The following APOOL variants were observed in gnomAD, a reference collection of about 807,000 sequenced individuals.
APOOL encodes MICOS complex subunit MIC27.
Under a neutral mutation model 23.1 loss-of-function variants are expected in APOOL, and 12 were observed. The ratio of observed to expected loss-of-function variants is 0.52; its 90% CI spans 0.33 to 0.84. APOOL has a LOEUF of 0.84. Ranked by LOEUF, APOOL falls within the 40% of genes least tolerant of loss-of-function variation. The pLI is 0.02. For missense variants in APOOL, 212 were observed against 199.6 expected (o/e 1.06, Z -0.37); for synonymous variants, 77 against 69.9 (o/e 1.10, Z -0.51).
In APOOL at chrX:85,087,703, C is replaced by T. The variant is rs1924365201; in HGVS notation, c.*25C>T. 3.6e-6 allele frequency: 4 copies of T among 1,098,441 alleles called. No homozygotes were observed. The East Asian group carries it at 1.3e-4, about 35-fold the overall frequency. The allele number at this position is 1,098,441 out of a possible 1,213,427, so 90.5% of individuals were successfully genotyped here. Reference sequence around the variant, plus strand: ...AAGTAGACTGCATGCAGAGACTACACAGAAAACTACAAGATGTGTGGCGTT... The same window carrying T: ...AAGTAGACTGCATGCAGAGACTACATAGAAAACTACAAGATGTGTGGCGTT... On this transcript the variant is annotated 3_prime_UTR_variant, in exon 9 of 9. Transcript: ENST00000373173.
intron 6 of APOOL, among the ~76,000 whole-genome samples, chrX:85,072,099 A>G (rs1425897206): frequency 1.8e-5 from 2 of 111,013 alleles, no homozygotes; most frequent in Non-Finnish European, 3.8e-5. Flanking sequence ...ACAGAGAGAG[A>G]CTCCGTCTCA....
intron 8 of APOOL, among the ~76,000 whole-genome samples, chrX:85,079,938 C>G (rs1195826169): frequency 9.0e-6 from 1 of 111,323 alleles, no homozygotes; most frequent in Non-Finnish European, 1.9e-5. Flanking sequence ...GTGGTGATAT[C>G]CCCTTTATCA....
intron 1 of APOOL, among the ~76,000 whole-genome samples, chrX:85,021,115 A>G (rs1017698887): frequency 1.3e-4 from 14 of 111,761 alleles, no homozygotes; most frequent in Non-Finnish European, 2.6e-4. Context: ...AGGCCTGCCC[A>G]GTGTTAGGCC....
rs1023866805 is a variant in APOOL, at chrX:85,031,328, G to A, written c.16-15118G>A. On this transcript the variant is annotated intron_variant, in intron 1 of 8. Coordinates refer to ENST00000373173, the MANE Select transcript of APOOL (RefSeq NM_198450.6). The stretch of plus-strand genomic sequence containing the variant: ...TGTGTACTGCCCTATTTAAACCTGC[G>A]TATCATTTTATTATTTAGTTTTAAG... 1.7e-4 allele frequency among the ~76,000 whole-genome samples: 19 copies of A among 111,128 alleles called. 1 individual carries two copies. Among genetic ancestry groups the A allele is most frequent in the East Asian group, 1.7e-3 (6 of 3,537 alleles).
At chrX:85,025,260 A>G (rs896220127) in intron 1 of APOOL, among the ~76,000 whole-genome samples, 1 of 111,658 alleles carries the variant, frequency 9.0e-6, no homozygotes, top group Non-Finnish European at 1.9e-5. Flanking sequence ...ACACCAAGCC[A>G]TAAGGGATCT....
intron 5 of APOOL, among the ~76,000 whole-genome samples, chrX:85,057,335 C>T (rs751955241): frequency 9.1e-4 from 99 of 109,259 alleles, no homozygotes; most frequent in Non-Finnish European, 1.7e-3. Context: ...AGCTCTGAGC[C>T]GGTCTGGAAT....
chrX:85,061,838 G>A (rs1347153114), intron 5 of APOOL, among the ~76,000 whole-genome samples: 3 of 111,071 alleles, frequency 2.7e-5, no homozygotes, highest in South Asian at 3.8e-4. Context: ...ACCAGCTCCC[G>A]GATTCATTGA....
In APOOL at chrX:85,092,772, C is replaced by A; in HGVS notation, c.*5094C>A. 2.7e-6 allele frequency: 1 copy of A among 375,964 alleles called. No individual in the cohort carries two copies. Among genetic ancestry groups the A allele is most frequent in the Non-Finnish European group, 4.5e-6 (1 of 221,023 alleles). The allele number at this position is 375,964 out of a possible 1,213,427, so 31.0% of individuals were successfully genotyped here. A position where few individuals can be genotyped will look rare whatever the true frequency, so the allele number is the denominator to read the frequency against. On this transcript the variant is annotated 3_prime_UTR_variant, in exon 9 of 9. Coordinates refer to ENST00000373173, the MANE Select transcript of APOOL (RefSeq NM_198450.6). Reference sequence around the variant, plus strand: ...TAAAGCCCTCTTTAAAATCTCAAAACTGATTTGCAAAGCCTTTATCATACA... The same window carrying A: ...TAAAGCCCTCTTTAAAATCTCAAAAATGATTTGCAAAGCCTTTATCATACA...
chrX:85,019,669 T>C (rs1302649139), intron 1 of APOOL, among the ~76,000 whole-genome samples: 3 of 111,574 alleles, frequency 2.7e-5, no homozygotes, highest in Non-Finnish European at 5.7e-5. Flanking sequence ...ACGTACTTGC[T>C]GGGGTAGTAG....
At chrX:85,007,975 G>A (rs1921134459) in intron 1 of APOOL, among the ~76,000 whole-genome samples, 1 of 111,572 alleles carries the variant, frequency 9.0e-6, no homozygotes, top group African/African-American at 3.3e-5. Context: ...AAACTGTAAT[G>A]ATAGGAGGTT....
At chrX:85,073,717 C>G (rs990050081) in intron 6 of APOOL, among the ~76,000 whole-genome samples, 3 of 110,197 alleles carry the variant, frequency 2.7e-5, no homozygotes, top group Non-Finnish European at 1.9e-5. Context: ...ATATGTCAAT[C>G]TAATCTCACT....
intron 5 of APOOL, among the ~76,000 whole-genome samples, chrX:85,059,327 G>A (rs1260870586): frequency 3.1e-4 from 34 of 109,176 alleles, no homozygotes; most frequent in South Asian, 8.1e-4. Flanking sequence ...GAATAGTGCC[G>A]CAATAAACAT....
At chrX:85,078,714 T>A in intron 8 of APOOL, among the ~76,000 whole-genome samples, 1 of 111,793 alleles carries the variant, frequency 8.9e-6, no homozygotes, top group East Asian at 2.8e-4. Context: ...TGATTGTTCC[T>A]ATCCATGATC....
At chrX:85,083,860 T>G (rs1242824397) in intron 8 of APOOL, among the ~76,000 whole-genome samples, 3 of 111,909 alleles carry the variant, frequency 2.7e-5, no homozygotes, top group Non-Finnish European at 5.6e-5. Context: ...CATTGCTGTC[T>G]TATAACTTTA....
At chrX:85,063,831 C>A (rs1372396935) in intron 5 of APOOL, among the ~76,000 whole-genome samples, 1 of 109,817 alleles carries the variant, frequency 9.1e-6, no homozygotes, top group Non-Finnish European at 1.9e-5. Context: ...GTTTTCTTTT[C>A]TTTTCTTTTT....
rs1406513266 is a variant in APOOL, at chrX:85,092,570, A to G, written c.*4892A>G. Reference sequence around the variant, plus strand: ...TGAGTTGTGATGGCTATCTGTTTAAAAACAAACAAGCAAATATTACTTTCA... The same window carrying G: ...TGAGTTGTGATGGCTATCTGTTTAAGAACAAACAAGCAAATATTACTTTCA... On this transcript the variant is annotated 3_prime_UTR_variant, in exon 9 of 9. Transcript: ENST00000373173. The G allele has an allele frequency of 8.4e-7, 1 of 1,195,249 alleles. No individual in the cohort carries two copies. Among genetic ancestry groups the G allele is most frequent in the Non-Finnish European group, 1.1e-6 (1 of 884,515 alleles).
intron 8 of APOOL, among the ~76,000 whole-genome samples, chrX:85,076,316 A>G (rs1051617355): frequency 4.5e-5 from 5 of 110,796 alleles, no homozygotes; most frequent in African/African-American, 1.3e-4. Flanking sequence ...TCATATGTAG[A>G]ATAAAACATT....
rs1483994581 is a variant in APOOL at position 85,087,674 on chromosome X, G to A, written c.803G>A (p.Ser268Asn). The A allele has an allele frequency of 1.7e-6, 2 of 1,179,191 alleles. No homozygotes were observed. Among genetic ancestry groups the A allele is most frequent in the Admixed American group, 4.8e-5 (2 of 41,772 alleles). The change falls in exon 9 of 9, where the codon AGC becomes AAC. Residue 268 changes from serine to asparagine, a missense_variant. Physicochemically the swap from Ser to Asn is conservative, Grantham distance 46 (BLOSUM62 1). Coordinates refer to ENST00000373173, the MANE Select transcript of APOOL (RefSeq NM_198450.6). ...PEDIDMYSTR[S>N] ...GATATAGATATGTACAGCACTAGAA[G>A]CTGAAGTAGACTGCATGCAGAGACT...
chrX:85,083,727 T>A (rs1437401824), intron 8 of APOOL, among the ~76,000 whole-genome samples: 1 of 112,152 alleles, frequency 8.9e-6, no homozygotes, highest in Admixed American at 9.5e-5. Context: ...AGCAATTTAT[T>A]AGTTATCTGT....
Sources: gnomAD v4.1 joint callset for allele counts (sites outside exome capture counted in the v4.1 genomes callset) on GRCh38, gnomAD v4.1.1 for gene constraint, MANE v1.5 for transcripts, NCBI Gene and HGNC (gene_info 2026-07-23, HGNC 2026-07-21) for gene names.